Variants in ABCA5 observed in about 807,000 individuals in gnomAD.
ABCA5 encodes the protein ATP binding cassette subfamily A member 5.
Under a neutral mutation model 206.0 loss-of-function variants are expected in ABCA5, and 163 were observed. That is an observed-to-expected ratio of 0.79 (90% confidence interval 0.70 to 0.90). ABCA5 has a LOEUF of 0.90. Ranked by LOEUF, ABCA5 falls within the 40% of genes least tolerant of loss-of-function variation. The pLI is 0.00. For missense variants in ABCA5, 1,859 were observed against 1,912.9 expected (o/e 0.97, Z 0.53); for synonymous variants, 609 against 613.8 (o/e 0.99, Z 0.11).
intron 1 of ABCA5, among the ~76,000 whole-genome samples, chr17:69,316,630 A>G (rs1404679603): frequency 2.0e-5 from 3 of 152,218 alleles, no homozygotes; most frequent in African/African-American, 7.2e-5. Context: ...TAATGGCTGA[A>G]AACTTCCAAT....
chr17:69,247,623 C>CT lies in ABCA5; in HGVS notation c.4842dup (p.Glu1615ArgfsTer7). 6.2e-7 allele frequency: 1 copy of CT among 1,609,114 alleles called. No individual in the cohort carries two copies. The highest frequency in any genetic ancestry group is 8.5e-7 in the Non-Finnish European group (1 of 1,177,994). ...CAACTATTATCTTCCTCCTCTTGTT[C>CT]TTTAGTGAGTTCTACAAAAACCTAG... On this transcript the variant is annotated frameshift_variant, in exon 39 of 39. Transcript: ENST00000392676. LOFTEE classifies it high-confidence loss of function.
At chr17:69,274,426 C>T (rs2075308267) in intron 19 of ABCA5, among the ~76,000 whole-genome samples, 1 of 151,956 alleles carries the variant, frequency 6.6e-6, no homozygotes, top group Admixed American at 6.6e-5. Context: ...CGCCATGTTG[C>T]CAAGGCTGGT....
At position 69,271,095 on chromosome 17, in the gene ABCA5, T is replaced by C. The variant is rs775931545; in HGVS notation, c.2892+67A>G. ...TAAGGTCAAATCAACAAATAATTAATTTTAGAAGAAACGTTTTAATCTTGC... is the reference window on the plus strand; with the variant it reads ...TAAGGTCAAATCAACAAATAATTAACTTTAGAAGAAACGTTTTAATCTTGC... On this transcript the variant is annotated intron_variant, in intron 21 of 38. Coordinates refer to ENST00000392676, the MANE Select transcript of ABCA5 (RefSeq NM_172232.4). 3.3e-4 allele frequency: 500 copies of C among 1,524,632 alleles called. 2 individuals are homozygous for C. The highest frequency in any genetic ancestry group is 8.3e-5 in the Non-Finnish European group (95 of 1,143,344). The allele number at this position is 1,524,632 out of a possible 1,614,324, so 94.4% of individuals were successfully genotyped here.
At chr17:69,272,271 C>G (rs2075281844) in intron 20 of ABCA5, among the ~76,000 whole-genome samples, 1 of 152,050 alleles carries the variant, frequency 6.6e-6, no homozygotes, top group East Asian at 1.9e-4. Context: ...ACAAGAGATA[C>G]AAAAAGCTCT....
intron 34 of ABCA5, among the ~76,000 whole-genome samples, chr17:69,252,694 G>T (rs532452327): frequency 6.6e-6 from 1 of 151,900 alleles, no homozygotes; most frequent in African/African-American, 2.4e-5. Context: ...AAAATTAGCC[G>T]GGCTTGGTGG....
At chr17:69,321,427 A>G (rs574807617) in intron 1 of ABCA5, among the ~76,000 whole-genome samples, 11 of 152,330 alleles carry the variant, frequency 7.2e-5, no homozygotes, top group African/African-American at 2.4e-4. Flanking sequence ...TTGGGATACA[A>G]GAAACCCCGT....
Position 69,297,278 on chromosome 17 carries a change from A to T in ABCA5, c.1349T>A (p.Leu450Ter). Residue 450 changes from leucine to a stop codon, truncating the protein, a stop_gained, in exon 10 of 39, where the codon TTA becomes TAA. Transcript: ENST00000392676. LOFTEE classifies it high-confidence loss of function. ...ATTTCCATTAACATTGCCCTCTGAT[A>T]ACTCCTCATAATTTCTTTTGCTCTT... ...WSKSKRNYEE[L>*]SEGNVNGNIS... 6.2e-7 allele frequency: 1 copy of T among 1,613,066 alleles called. No homozygotes were observed. The highest frequency in any genetic ancestry group is 2.2e-5 in the East Asian group (1 of 44,710).
At chr17:69,316,603 A>G (rs949406779) in intron 1 of ABCA5, among the ~76,000 whole-genome samples, 1 of 151,868 alleles carries the variant, frequency 6.6e-6, no homozygotes, top group African/African-American at 2.4e-5. Flanking sequence ...AAAAAAAAAA[A>G]AAAAAAATTA....
chr17:69,292,511 TA>T (rs2144987414), intron 11 of ABCA5, among the ~76,000 whole-genome samples: 1 of 152,328 alleles, frequency 6.6e-6, no homozygotes, highest in East Asian at 1.9e-4. Context: ...TTTGTCAATC[TA>T]AAAGATTTTA....
Position 69,280,392 on chromosome 17 carries a change from TG to T in ABCA5, c.2393-2551del. 1.3e-5 allele frequency among the ~76,000 whole-genome samples: 2 copies of T among 151,094 alleles called. 1 individual carries two copies. The highest frequency in any genetic ancestry group is 4.2e-4 in the South Asian group (2 of 4,802). On this transcript the variant is annotated intron_variant, in intron 18 of 38. Transcript: ENST00000392676. ...TAAAAAGTCAGGAAACAACAGGTGCTGGAGAGGATATGGAGAAACAGGAACA... is the reference window on the plus strand; with the variant it reads ...TAAAAAGTCAGGAAACAACAGGTGCTGAGAGGATATGGAGAAACAGGAACA...
chr17:69,270,834 A>G, intron 21 of ABCA5, 84 bp from the exon 22 acceptor site: 1 of 1,269,576 alleles, frequency 7.9e-7, no homozygotes, highest in Non-Finnish European at 1.0e-6. Context: ...CTCACCAACA[A>G]AGCTAATTCT....
intron 18 of ABCA5, among the ~76,000 whole-genome samples, chr17:69,278,046 A>C (rs954259942): frequency 3.3e-5 from 5 of 152,094 alleles, no homozygotes; most frequent in African/African-American, 1.2e-4. Context: ...AACCCAACAG[A>C]GATATGAATA....
In ABCA5 at chr17:69,254,460, T is replaced by C. The variant is rs759783152; in HGVS notation, c.4099A>G (p.Ser1367Gly). 5 of 1,612,414 alleles carry C rather than the reference T, an allele frequency of 3.1e-6. No homozygotes were observed. The Admixed American group carries it at 6.7e-5, about 22-fold the overall frequency. Residue 1367 changes from serine (S) to glycine (G), a missense_variant, in exon 32 of 39, where the codon AGT (serine) becomes GGT (glycine). Physicochemically the swap from Ser to Gly is moderately conservative, Grantham distance 56. Transcript: ENST00000392676. ...CACTTCAGTGAATCATCATCTTCAC[T>C]TGTCTCTGAAGAATAATCTCCTAAA... is the stretch of plus-strand genomic sequence containing the variant. ...VFLGDYSSET[S>G]EDDDSLKCMG...
intron 20 of ABCA5, among the ~76,000 whole-genome samples, chr17:69,272,778 C>A (rs913041930): frequency 3.3e-5 from 5 of 152,050 alleles, no homozygotes; most frequent in African/African-American, 9.7e-5. Flanking sequence ...TACATCTTTA[C>A]CAGAAAGAAT....
chr17:69,300,347 T>A (rs980144791), intron 9 of ABCA5, among the ~76,000 whole-genome samples: 1 of 152,164 alleles, frequency 6.6e-6, no homozygotes, highest in Admixed American at 6.5e-5. Flanking sequence ...GGAGCAGCTG[T>A]GAATACAGAT....
intron 10 of ABCA5, among the ~76,000 whole-genome samples, chr17:69,296,968 A>G (rs191081405): frequency 8.1e-4 from 124 of 152,314 alleles, no homozygotes; most frequent in African/African-American, 2.9e-3. Context: ...CTGTCTCAAA[A>G]AACAGAAAGA....
At position 69,271,402 on chromosome 17, in the gene ABCA5, G is replaced by A. The variant is rs200014551; in HGVS notation, c.2765-113C>T. ...ATATTTTATTTTCATTAGCGAATAC[G>A]CAAGTAAGTACATTGGCTCTGAAGC... On this transcript the variant is annotated intron_variant, in intron 20 of 38. Transcript: ENST00000392676. 1.2e-4 allele frequency: 142 copies of A among 1,163,508 alleles called. No individual in the cohort carries two copies. In the East Asian group the frequency reaches 2.1e-3, roughly 17 times the overall value. 72.1% of individuals were successfully genotyped at this position (1,163,508 alleles called of 1,614,324 possible).
chr17:69,298,225 T>TAGGTAGGAAGGTAGGAAGGTAGGA (rs1339426204), intron 9 of ABCA5, among the ~76,000 whole-genome samples: 2 of 58,202 alleles, frequency 3.4e-5, no homozygotes, highest in African/African-American at 6.7e-5. Flanking sequence ...GGAAGGAAGG[T>TAGGTAGGAAGGTAGGAAGGTAGGA]AGGTAGGAAG....
chr17:69,255,510 A>C (rs1236294328), intron 31 of ABCA5, 33 bp downstream of exon 31: 1 of 1,264,336 alleles, frequency 7.9e-7, no homozygotes, highest in Non-Finnish European at 1.1e-6. Context: ...TATAAATCAC[A>C]TTCAACATAT....
Sources: gnomAD v4.1 joint callset for allele counts (sites outside exome capture counted in the v4.1 genomes callset) on GRCh38, gnomAD v4.1.1 for gene constraint, MANE v1.5 for transcripts, NCBI Gene and HGNC (gene_info 2026-07-23, HGNC 2026-07-21) for gene names.